SEMA4B: variants seen among roughly 807,000 people sequenced by gnomAD.
SEMA4B encodes semaphorin-4B.
Under a neutral mutation model 88.1 loss-of-function variants are expected in SEMA4B, and 55 were observed. The observed-to-expected ratio is 0.62, with a 90% CI of 0.50 to 0.78. The LOEUF is 0.78. Ranked by LOEUF, SEMA4B falls within the 30% of genes least tolerant of loss-of-function variation. The pLI, the probability that SEMA4B is intolerant of heterozygous loss-of-function variation, is 0.00. For synonymous variants in SEMA4B, 525 were observed against 473.6 expected (o/e 1.11, Z -1.41); for missense variants, 1,062 against 1,111.9 (o/e 0.96, Z 0.64).
intron 1 of SEMA4B, among the ~76,000 whole-genome samples, chr15:90,204,814 C>T (rs1282720017): frequency 6.6e-6 from 1 of 152,144 alleles, no homozygotes; most frequent in Non-Finnish European, 1.5e-5. Flanking sequence ...TTCGCTCTGT[C>T]TCCCAGGCTG....
chr15:90,187,375 C>T lies in SEMA4B; in HGVS notation c.-122+2294C>T, dbSNP rs979854907. 3.2e-4 allele frequency among the ~76,000 whole-genome samples: 48 copies of T among 152,176 alleles called. 1 individual carries two copies. Among genetic ancestry groups the T allele is most frequent in the African/African-American group, 1.1e-3 (47 of 41,428 alleles). ...ATCCTTTGGAAATGATTTGAGACAG[C>T]TAGAGCAGAAGACATTTGCTGGGTA... is the stretch of plus-strand genomic sequence containing the variant. On this transcript the variant is annotated intron_variant, in intron 1 of 14. Coordinates refer to the SEMA4B transcript ENST00000332496.
At chr15:90,187,023 G>A (rs922896641) in intron 1 of SEMA4B, among the ~76,000 whole-genome samples, 1 of 152,186 alleles carries the variant, frequency 6.6e-6, no homozygotes, top group African/African-American at 2.4e-5. Context: ...GATGGGAAAC[G>A]GAGACTTGTG....
At position 90,223,742 on chromosome 15, in the gene SEMA4B, TAGGGCCTCCAG is replaced by T; in HGVS notation, c.1043+4_1043+14del. ...CTATGGGGTCTTCACTTCCCAGTGG[TAGGGCCTCCAG>T]ACCTCGCTGGAGATGGAAGGGTGAA... is the stretch of plus-strand genomic sequence containing the variant. On this transcript the variant is annotated splice_donor_5th_base_variant and intron_variant, in intron 8 of 13. Coordinates refer to ENST00000411539, the MANE Select transcript of SEMA4B (RefSeq NM_198925.4). 6.2e-7 allele frequency: 1 copy of T among 1,604,710 alleles called. No homozygotes were observed.
At chr15:90,218,518 T>G (rs568285735) in intron 3 of SEMA4B, among the ~76,000 whole-genome samples, 2 of 152,228 alleles carry the variant, frequency 1.3e-5, no homozygotes, top group Admixed American at 6.5e-5. Flanking sequence ...CTTGGCACAG[T>G]GGCTCACGCC....
rs557919016 is a variant in SEMA4B at position 90,189,686 on chromosome 15, G to T, written c.-122+4605G>T. On this transcript the variant is annotated intron_variant, in intron 1 of 14. Transcript: ENST00000332496. ...AAGGCTAATTTTGAAAGTTCCTTGT[G>T]TCTGCAGACTAACGCACCTTAGAGA... 3.3e-5 allele frequency among the ~76,000 whole-genome samples: 5 copies of T among 152,302 alleles called. No individual in the cohort carries two copies. In the South Asian group the frequency reaches 1.0e-3, roughly 32 times the overall value.
chr15:90,214,012 C>T (rs1961400542), intron 1 of SEMA4B, among the ~76,000 whole-genome samples: 1 of 152,200 alleles, frequency 6.6e-6, no homozygotes, highest in Non-Finnish European at 1.5e-5. Flanking sequence ...GTCACCCCCA[C>T]CCGAGGGCTT....
Position 90,201,484 on chromosome 15 carries a change from A to G in SEMA4B, c.-95A>G. On this transcript the variant is annotated 5_prime_UTR_variant, in exon 1 of 14. Transcript: ENST00000411539. ...TCCGGAGGCGGGGGCCCCCGGGGCG[A>G]CTCGGGGGCGGACCGCGGGGCGGAG... 1 of 1,309,640 alleles carries G rather than the reference A, an allele frequency of 7.6e-7. No homozygotes were observed. The highest frequency in any genetic ancestry group is 3.2e-5 in the East Asian group (1 of 31,342). The allele number at this position is 1,309,640 out of a possible 1,614,324, so 81.1% of individuals were successfully genotyped here.
chr15:90,188,504 T>G (rs1960242713), intron 1 of SEMA4B, among the ~76,000 whole-genome samples: 1 of 151,826 alleles, frequency 6.6e-6, no homozygotes, highest in Admixed American at 6.6e-5. Flanking sequence ...GGCGCATGCC[T>G]GTAATCCCAG....
chr15:90,207,419 C>T (rs1048771000), intron 1 of SEMA4B, among the ~76,000 whole-genome samples: 6 of 152,174 alleles, frequency 3.9e-5, no homozygotes, highest in African/African-American at 1.4e-4. Context: ...GGCCCATCCT[C>T]TAGGAAGGGG....
chr15:90,221,576 C>G, intron 6 of SEMA4B, 38 bp from the exon 7 acceptor site: 1 of 1,612,242 alleles, frequency 6.2e-7, no homozygotes, highest in Non-Finnish European at 8.5e-7. Flanking sequence ...CTCCAGGGTT[C>G]CTGGGCTGAC....
rs1448706215 is a variant in SEMA4B at position 90,228,301 on chromosome 15, C to T, written c.2172C>T (p.Leu724=). 1.3e-6 allele frequency: 2 copies of T among 1,593,836 alleles called. No individual in the cohort carries two copies. Among genetic ancestry groups the T allele is most frequent in the African/African-American group, 2.7e-5 (2 of 74,664 alleles). The change falls in exon 14 of 14, where the codon CTC becomes CTT. Residue 724 remains leucine (L), a synonymous_variant. Transcript: ENST00000411539. ...AGGAGTTCCTGGTGATGTGCACGCTCTTTGTGCTGGCCGTGCTGCTCCCAG... is the reference window on the plus strand; with the variant it reads ...AGGAGTTCCTGGTGATGTGCACGCTTTTTGTGCTGGCCGTGCTGCTCCCAG... The part of the protein sequence containing the change: ...YWKEFLVMCT[L]FVLAVLLPVL...
upstream of SEMA4B, among the ~76,000 whole-genome samples, chr15:90,198,281 A>G (rs890644594): frequency 6.6e-6 from 1 of 152,184 alleles, no homozygotes; most frequent in Non-Finnish European, 1.5e-5. Flanking sequence ...AGCTGACATG[A>G]GTCAGCAGTA....
intron 1 of SEMA4B, chr15:90,193,004 T>C (rs7180527): frequency 0.056 from 8,486 of 152,486 alleles, 705 homozygotes; most frequent in African/African-American, 0.19. Flanking sequence ...GGGGAGGAGG[T>C]GCCAGAGCGT....
At chr15:90,225,852 C>T in intron 12 of SEMA4B, 25 bp downstream of exon 12, 2 of 1,491,376 alleles carry the variant, frequency 1.3e-6, no homozygotes, top group Non-Finnish European at 1.8e-6. Flanking sequence ...AGGCCCCTTC[C>T]CATCTGTCCA....
rs982045551 is a variant in SEMA4B at position 90,225,269 on chromosome 15, G to A, written c.1406-13G>A. 6.4e-6 allele frequency: 10 copies of A among 1,555,340 alleles called. No homozygotes were observed. The Admixed American group carries it at 2.0e-4, about 30-fold the overall frequency. ...GGGCTCCACCCAGGGCCTGAGTCCT[G>A]TCCACACCCCAGGTGACGGCCGGCT... is the stretch of plus-strand genomic sequence containing the variant. On this transcript the variant is annotated splice_polypyrimidine_tract_variant and intron_variant, in intron 10 of 13. Transcript: ENST00000411539.
intron 1 of SEMA4B, among the ~76,000 whole-genome samples, chr15:90,186,984 T>C (rs930435744): frequency 2.6e-5 from 4 of 152,018 alleles, no homozygotes; most frequent in African/African-American, 9.7e-5. Flanking sequence ...TAAATAAAGA[T>C]TGGGGACATT....
At chr15:90,207,830 C>A (rs1259553330) in intron 1 of SEMA4B, among the ~76,000 whole-genome samples, 1 of 152,142 alleles carries the variant, frequency 6.6e-6, no homozygotes, top group Non-Finnish European at 1.5e-5. Context: ...GGGAAGAGGG[C>A]AGAGCTGGCA....
chr15:90,219,764 A>G (rs1417051470), intron 3 of SEMA4B, 29 bp from the exon 4 acceptor site: 2 of 1,577,614 alleles, frequency 1.3e-6, no homozygotes, highest in Non-Finnish European at 1.7e-6. Flanking sequence ...TGGGCGTGGG[A>G]CTGATATCCC....
rs398028319 is a variant in SEMA4B, at chr15:90,185,924, ATTTTTTTTTT to A, written c.-122+861_-122+870del. On this transcript the variant is annotated intron_variant, in intron 1 of 14. Coordinates refer to the SEMA4B transcript ENST00000332496. ...CAGGCCATGGCCGTTTCTTTTGGTG[ATTTTTTTTTT>A]TTTTTTTTTTTTTTTTTGAGACGGA... is the stretch of plus-strand genomic sequence containing the variant. Among the ~76,000 whole-genome samples, 8 of 55,458 alleles carry A rather than the reference ATTTTTTTTTT, an allele frequency of 1.4e-4. No individual in the cohort carries two copies. In the East Asian group the frequency reaches 3.3e-3, roughly 23 times the overall value. 36.4% of individuals were successfully genotyped at this position (55,458 alleles called of 152,430 possible). A position where few individuals can be genotyped will look rare whatever the true frequency, so the allele number is the denominator to read the frequency against.
Sources: allele counts gnomAD v4.1 joint callset (sites outside exome capture counted in the v4.1 genomes callset), GRCh38; gene constraint gnomAD v4.1.1; transcripts MANE v1.5; gene names NCBI Gene and HGNC (gene_info 2026-07-23, HGNC 2026-07-21).